LSAMP: variants seen among roughly 807,000 people sequenced by gnomAD.
The protein encoded by LSAMP is limbic system-associated membrane protein.
LSAMP carries 7 observed loss-of-function variants against 38.6 expected under a neutral mutation model. The observed-to-expected ratio is 0.18, with a 90% CI of 0.10 to 0.34. The LOEUF (loss-of-function observed/expected upper bound fraction) is 0.34, where lower values mean the gene tolerates loss of function less well. Among genes scored for constraint, LSAMP ranks in the 10% least tolerant of loss-of-function variants. The probability of loss-of-function intolerance (pLI) is 1.00; values close to 1 mark genes in which losing one functional copy is unlikely to be tolerated. For synonymous variants in LSAMP, 154 were observed against 166.8 expected, an observed-to-expected ratio of 0.92 and a Z score of 0.59; for missense variants, 313 against 420.0, an observed-to-expected ratio of 0.75 and a Z score of 2.23.
At chr3:116,057,370 C>T (rs1447975241) in intron 2 of LSAMP, among the ~76,000 whole-genome samples, 12 of 152,122 alleles carry the variant, frequency 7.9e-5, no homozygotes, top group South Asian at 4.1e-4. Flanking sequence ...CTTTTATCTG[C>T]GTAGCATCTT....
rs542979581 is a variant in LSAMP at position 115,957,224 on chromosome 3, A to G, written c.514+62291T>C. 1.2e-4 allele frequency among the ~76,000 whole-genome samples: 18 copies of G among 152,296 alleles called. 1 individual carries two copies. In the South Asian group the frequency reaches 3.7e-3, roughly 32 times the overall value. On this transcript the variant is annotated intron_variant, in intron 3 of 6. Transcript: ENST00000490035. ...ATAGAGGTCAAAACTTACATCAGAC[A>G]CTCAGGAAGCCCCTCTGATTATAGA...
At chr3:115,879,785 A>G (rs999135915) in intron 3 of LSAMP, among the ~76,000 whole-genome samples, 1 of 152,180 alleles carries the variant, frequency 6.6e-6, no homozygotes, top group African/African-American at 2.4e-5. Context: ...AGGCCTGGGT[A>G]AAACTCAGAG....
chr3:115,997,492 C>T (rs1164438849), intron 3 of LSAMP, among the ~76,000 whole-genome samples: 1 of 151,134 alleles, frequency 6.6e-6, no homozygotes, highest in East Asian at 1.9e-4. Context: ...CTTTAGGATG[C>T]CATGTTTGAA....
intron 1 of LSAMP, among the ~76,000 whole-genome samples, chr3:116,261,082 G>A (rs1371227566): frequency 6.6e-6 from 1 of 152,164 alleles, no homozygotes; most frequent in Admixed American, 6.5e-5. Flanking sequence ...TGGTATCACA[G>A]TACTGTAAAT....
intron 1 of LSAMP, among the ~76,000 whole-genome samples, chr3:116,152,169 A>T (rs1709627978): frequency 6.6e-6 from 1 of 152,056 alleles, no homozygotes; most frequent in African/African-American, 2.4e-5. Flanking sequence ...AACGTTGTAA[A>T]TGCCAAGATA....
At chr3:115,914,039 C>T (rs960023726) in intron 3 of LSAMP, among the ~76,000 whole-genome samples, 2 of 152,078 alleles carry the variant, frequency 1.3e-5, no homozygotes, top group Non-Finnish European at 2.9e-5. Flanking sequence ...AAACCAAAGA[C>T]CATTAAGACC....
chr3:116,434,223 C>A (rs2049317546), intron 1 of LSAMP, among the ~76,000 whole-genome samples: 1 of 152,268 alleles, frequency 6.6e-6, no homozygotes, highest in East Asian at 1.9e-4. Context: ...TATAAATCAA[C>A]TTTAGTCAGC....
At chr3:116,072,365 G>A (rs1576346076) in intron 2 of LSAMP, among the ~76,000 whole-genome samples, 1 of 152,082 alleles carries the variant, frequency 6.6e-6, no homozygotes, top group Non-Finnish European at 1.5e-5. Flanking sequence ...ATGAACATAT[G>A]AGTGCATGTA....
chr3:116,344,212 CT>C (rs2048034632), intron 1 of LSAMP, among the ~76,000 whole-genome samples: 1 of 152,054 alleles, frequency 6.6e-6, no homozygotes, highest in African/African-American at 2.4e-5. Flanking sequence ...GCTGAACTTT[CT>C]CCTTAAAAGC....
At chr3:116,426,396 G>T (rs1171003713) in intron 1 of LSAMP, among the ~76,000 whole-genome samples, 1 of 150,290 alleles carries the variant, frequency 6.7e-6, no homozygotes, top group African/African-American at 2.5e-5. Context: ...GGGAGGTGGA[G>T]GTTGCAGTGA....
At chr3:116,006,064 T>A (rs762146573) in intron 3 of LSAMP, among the ~76,000 whole-genome samples, 2 of 152,180 alleles carry the variant, frequency 1.3e-5, no homozygotes, top group Non-Finnish European at 2.9e-5. Flanking sequence ...ATCAGCATCA[T>A]GTGAGCAGAT....
chr3:116,007,486 C>A (rs9857827), intron 3 of LSAMP, among the ~76,000 whole-genome samples: 3,284 of 152,188 alleles, frequency 0.022, 115 homozygotes, highest in African/African-American at 0.074. Flanking sequence ...ATGAGGATTT[C>A]AGAAATGTGT....
intron 6 of LSAMP, among the ~76,000 whole-genome samples, chr3:115,818,988 C>G (rs964412025): frequency 6.7e-6 from 1 of 148,898 alleles, no homozygotes; most frequent in Non-Finnish European, 1.5e-5. Context: ...GGTGAAACCC[C>G]ATCTCTACTA....
intron 1 of LSAMP, among the ~76,000 whole-genome samples, chr3:116,180,506 G>A (rs910125250): frequency 3.9e-5 from 6 of 152,052 alleles, no homozygotes; most frequent in Admixed American, 6.6e-5. Flanking sequence ...GAAGAACATA[G>A]GTGGTGTGAT....
At chr3:116,131,134 G>A (rs1461093998) in intron 1 of LSAMP, among the ~76,000 whole-genome samples, 2 of 151,916 alleles carry the variant, frequency 1.3e-5, no homozygotes, top group African/African-American at 4.8e-5. Context: ...GGGACTACAG[G>A]CGCCCTCCAC....
At chr3:116,215,519 C>T (rs2046209311) in intron 1 of LSAMP, among the ~76,000 whole-genome samples, 1 of 152,076 alleles carries the variant, frequency 6.6e-6, no homozygotes, top group African/African-American at 2.4e-5. Context: ...ATTGAAAATG[C>T]AAAACTATCT....
intron 1 of LSAMP, among the ~76,000 whole-genome samples, chr3:116,168,603 C>A (rs1341596150): frequency 6.6e-6 from 1 of 152,114 alleles, no homozygotes; most frequent in Non-Finnish European, 1.5e-5. Flanking sequence ...TTATGGAGTT[C>A]TGACACAAAT....
At chr3:116,228,105 G>A (rs2107624168) in intron 1 of LSAMP, among the ~76,000 whole-genome samples, 1 of 152,070 alleles carries the variant, frequency 6.6e-6, no homozygotes, top group South Asian at 2.1e-4. Flanking sequence ...CATTCCTGTT[G>A]ATTTCTTTAA....
intron 1 of LSAMP, among the ~76,000 whole-genome samples, chr3:116,224,064 G>T (rs2046317280): frequency 2.0e-5 from 3 of 151,770 alleles, no homozygotes; most frequent in Admixed American, 2.0e-4. Context: ...CTGTGGGTCT[G>T]ATTCCACATG....
Sources: allele counts gnomAD v4.1 joint callset (sites outside exome capture counted in the v4.1 genomes callset), GRCh38; gene constraint gnomAD v4.1.1; transcripts MANE v1.5; gene names NCBI Gene and HGNC (gene_info 2026-07-23, HGNC 2026-07-21).